Variants in CPA3 observed in about 807,000 individuals in gnomAD.
CPA3 encodes the protein mast cell carboxypeptidase A.
Under a neutral mutation model 55.8 loss-of-function variants are expected in CPA3, and 52 were observed. The observed-to-expected ratio is 0.93, with a 90% CI of 0.75 to 1.17. The LOEUF is 1.17. Ranked by LOEUF, CPA3 falls within the 50% of genes most tolerant of loss-of-function variation. The pLI is 0.00. For synonymous variants in CPA3, 179 were observed against 171.2 expected (o/e 1.05, Z -0.36); for missense variants, 547 against 509.1 (o/e 1.07, Z -0.72).
chr3:148,881,713 T>C (rs1714372784), intron 7 of CPA3, 81 bp downstream of exon 7: 4 of 661,052 alleles, frequency 6.1e-6, no homozygotes, highest in Admixed American at 3.1e-5. Context: ...CAGCTTAGGG[T>C]TTAGGTAACT....
chr3:148,881,689 C>G (rs1295435252), intron 7 of CPA3, 57 bp downstream of exon 7: 11 of 1,037,646 alleles, frequency 1.1e-5, no homozygotes, highest in Non-Finnish European at 1.6e-5. Flanking sequence ...CTTTAATACA[C>G]AATGTTATGC....
chr3:148,865,487 G>C lies in CPA3; in HGVS notation c.83G>C (p.Arg28Pro), dbSNP rs781309145. The change falls in exon 2 of 11, where the codon CGC becomes CCC. Residue 28 changes from arginine to proline, a missense_variant. By Grantham distance (103) the Arg-to-Pro change is moderately radical. Coordinates refer to ENST00000296046, the MANE Select transcript of CPA3 (RefSeq NM_001870.4). Reference sequence around the variant, plus strand: ...CCTCCACAAAGGGAGAAGGTGTTCCGCGTGAAGCCCCAGGATGAAAAACAA... The same window carrying C: ...CCTCCACAAAGGGAGAAGGTGTTCCCCGTGAAGCCCCAGGATGAAAAACAA... ...PVRFDREKVF[R>P]VKPQDEKQAD... 1.9e-6 allele frequency: 3 copies of C among 1,613,664 alleles called. No individual in the cohort carries two copies. The East Asian group carries it at 6.7e-5, about 36-fold the overall frequency.
chr3:148,870,146 T>C (rs1250470435), intron 3 of CPA3: 1 of 151,732 alleles, frequency 6.6e-6, no homozygotes, highest in African/African-American at 2.4e-5. Context: ...TTCAAACATT[T>C]CATAGTTTGA....
intron 3 of CPA3, chr3:148,869,853 G>A (rs187002307): frequency 6.6e-6 from 1 of 152,314 alleles, no homozygotes; most frequent in African/African-American, 2.4e-5. Context: ...CCAGCACTTT[G>A]GGAGGCCAAG....
chr3:148,884,115 C>T (rs1194118904), intron 9 of CPA3, among the ~76,000 whole-genome samples: 2 of 152,026 alleles, frequency 1.3e-5, no homozygotes, highest in East Asian at 3.8e-4. Context: ...TTAACATTTA[C>T]CATGGGTTGT....
At chr3:148,889,659 G>A (rs1029380003) in intron 10 of CPA3, among the ~76,000 whole-genome samples, 2 of 151,752 alleles carry the variant, frequency 1.3e-5, no homozygotes, top group African/African-American at 4.8e-5. Flanking sequence ...ATCACAAGGT[G>A]AGGAGTTTGA....
Position 148,881,199 on chromosome 3 carries a change from A to C in CPA3, c.577-323A>C, listed in dbSNP as rs1241444211. ...AGATGTGAGAGAATCAATTAAAAAT[A>C]AGTTGTATTACAAATTTTCCATTTG... On this transcript the variant is annotated intron_variant, in intron 6 of 10. Coordinates refer to ENST00000296046, the MANE Select transcript of CPA3 (RefSeq NM_001870.4). 2.6e-5 allele frequency among the ~76,000 whole-genome samples: 4 copies of C among 152,318 alleles called. No homozygotes were observed. The East Asian group carries it at 5.8e-4, about 22-fold the overall frequency.
chr3:148,879,174 C>G lies in CPA3; in HGVS notation c.474+426C>G, dbSNP rs554398457. Among the ~76,000 whole-genome samples, 3 of 152,186 alleles carry G rather than the reference C, an allele frequency of 2.0e-5. No individual in the cohort carries two copies. In the South Asian group the frequency reaches 6.2e-4, roughly 32 times the overall value. On this transcript the variant is annotated intron_variant, in intron 5 of 10. Transcript: ENST00000296046. ...TGCTTGAGGGTTCCCTATATCAGAG[C>G]CAACAATTTCCACTCCATTGCTGCT...
chr3:148,883,913 T>G, intron 9 of CPA3, 98 bp downstream of exon 9: 1 of 888,186 alleles, frequency 1.1e-6, no homozygotes, highest in East Asian at 2.5e-5. Flanking sequence ...TTTCACATTT[T>G]AATGTCAAAG....
intron 3 of CPA3, 53 bp downstream of exon 3, chr3:148,869,092 C>T: frequency 3.1e-6 from 5 of 1,595,796 alleles, no homozygotes; most frequent in Non-Finnish European, 4.3e-6. Context: ...TTTTGGGAGC[C>T]TTGAAGTAGA....
intron 3 of CPA3, among the ~76,000 whole-genome samples, chr3:148,875,806 C>T (rs972802389): frequency 5.3e-5 from 8 of 152,050 alleles, no homozygotes; most frequent in Non-Finnish European, 1.2e-4. Flanking sequence ...CATACATCAA[C>T]GGACAATAAT....
intron 3 of CPA3, among the ~76,000 whole-genome samples, chr3:148,876,872 T>A (rs968726779): frequency 1.3e-5 from 2 of 152,182 alleles, no homozygotes; most frequent in Non-Finnish European, 2.9e-5. Flanking sequence ...ATGATGACAT[T>A]TTTTAAAAAT....
At chr3:148,878,361 G>T in intron 3 of CPA3, 80 bp from the exon 4 acceptor site, 1 of 1,025,878 alleles carries the variant, frequency 9.7e-7, no homozygotes. Context: ...AGAAGGAAGA[G>T]AAATTTCTGC....
At chr3:148,885,523 G>T (rs563213399) in intron 9 of CPA3, among the ~76,000 whole-genome samples, 1 of 144,726 alleles carries the variant, frequency 6.9e-6, no homozygotes, top group African/African-American at 2.5e-5. Flanking sequence ...CGATTCTCCT[G>T]CCTCAGCCTC....
intron 10 of CPA3, among the ~76,000 whole-genome samples, chr3:148,894,084 G>GA (rs1430239170): frequency 6.6e-6 from 1 of 151,954 alleles, no homozygotes; most frequent in Non-Finnish European, 1.5e-5. Flanking sequence ...GAGGAAGGAA[G>GA]AAAAATGGAT....
At chr3:148,871,116 C>T (rs550345068) in intron 3 of CPA3, among the ~76,000 whole-genome samples, 2 of 152,270 alleles carry the variant, frequency 1.3e-5, no homozygotes, top group Admixed American at 1.3e-4. Flanking sequence ...CCAGGATAGT[C>T]TTGATCTCCT....
intron 7 of CPA3, 109 bp from the exon 8 acceptor site, chr3:148,882,396 A>G: frequency 1.4e-6 from 1 of 719,882 alleles, no homozygotes; most frequent in Non-Finnish European, 2.3e-6. Context: ...CAAGTTAACT[A>G]GATAGATTTC....
chr3:148,892,391 G>A (rs577464580), intron 10 of CPA3, among the ~76,000 whole-genome samples: 78 of 152,260 alleles, frequency 5.1e-4, no homozygotes, highest in African/African-American at 1.9e-3. Context: ...GGTGGCTCAT[G>A]CCTGTAATCT....
chr3:148,896,019 T>C (rs1234354669), intron 10 of CPA3, among the ~76,000 whole-genome samples: 1 of 152,232 alleles, frequency 6.6e-6, no homozygotes, highest in Non-Finnish European at 1.5e-5. Flanking sequence ...AATTAGGAGA[T>C]TAAATATGTC....
Sources: gnomAD v4.1 joint callset for allele counts (sites outside exome capture counted in the v4.1 genomes callset) on GRCh38, gnomAD v4.1.1 for gene constraint, MANE v1.5 for transcripts, NCBI Gene and HGNC (gene_info 2026-07-23, HGNC 2026-07-21) for gene names.